TYW1: variants seen among roughly 807,000 people sequenced by gnomAD.
TYW1 encodes the protein tRNA-yW synthesizing protein 1 homolog, also known as S-adenosyl-L-methionine-dependent tRNA 4-demethylwyosine synthase TYW1.
A neutral mutation model predicts 96.2 loss-of-function variants in TYW1; 46 were observed. The ratio of observed to expected loss-of-function variants is 0.48; its 90% CI spans 0.38 to 0.61. TYW1 has a LOEUF of 0.61. Among genes scored for constraint, TYW1 ranks in the 20% least tolerant of loss-of-function variants. The pLI is 0.00. For synonymous variants in TYW1, 274 were observed against 323.0 expected (o/e 0.85, Z 1.63); for missense variants, 684 against 909.6 (o/e 0.75, Z 3.19).
intron 6 of TYW1, among the ~76,000 whole-genome samples, chr7:67,021,300 CA>C (rs1421316049): frequency 6.6e-6 from 1 of 152,294 alleles, no homozygotes; most frequent in African/African-American, 2.4e-5. Flanking sequence ...AGATCCTTTG[CA>C]GTCCGGCCCA....
intron 11 of TYW1, among the ~76,000 whole-genome samples, chr7:67,098,148 A>G (rs12154876): frequency 0.24 from 36,299 of 152,070 alleles, 4,544 homozygotes; most frequent in African/African-American, 0.3. Flanking sequence ...TTACTTTCCC[A>G]GTTCAGGATA....
intron 11 of TYW1, among the ~76,000 whole-genome samples, chr7:67,097,104 A>G (rs1283256508): frequency 2.0e-5 from 3 of 151,896 alleles, no homozygotes; most frequent in Non-Finnish European, 4.4e-5. Context: ...GCTAGTGGCT[A>G]CTAAACTTGT....
At chr7:67,046,572 A>G (rs1309104545) in intron 7 of TYW1, among the ~76,000 whole-genome samples, 2 of 152,220 alleles carry the variant, frequency 1.3e-5, no homozygotes, top group East Asian at 3.8e-4. Flanking sequence ...ATAAATACAC[A>G]AAAATATATG....
chr7:67,128,366 C>A (rs1207171399), intron 13 of TYW1, among the ~76,000 whole-genome samples: 1 of 152,120 alleles, frequency 6.6e-6, no homozygotes, highest in Non-Finnish European at 1.5e-5. Flanking sequence ...TTTTAGAGCT[C>A]CAGCATTTCG....
intron 9 of TYW1, among the ~76,000 whole-genome samples, chr7:67,066,102 G>A (rs1302134986): frequency 2.6e-5 from 4 of 151,888 alleles, no homozygotes. Context: ...TTCGTTGTTG[G>A]TATTATTAAT....
At chr7:67,116,582 G>C (rs542826061) in intron 12 of TYW1, among the ~76,000 whole-genome samples, 110 of 152,078 alleles carry the variant, frequency 7.2e-4, no homozygotes, top group African/African-American at 2.6e-3. Flanking sequence ...CCAGCTACTT[G>C]AGACACTGAG....
At chr7:67,217,066 T>A (rs1801216340) in intron 15 of TYW1, among the ~76,000 whole-genome samples, 1 of 150,026 alleles carries the variant, frequency 6.7e-6, no homozygotes, top group African/African-American at 2.5e-5. Flanking sequence ...CTTTTTTTTC[T>A]GTGCTTATTG....
At chr7:67,072,690 C>G (rs1242020663) in intron 10 of TYW1, among the ~76,000 whole-genome samples, 2 of 152,066 alleles carry the variant, frequency 1.3e-5, no homozygotes, top group Non-Finnish European at 2.9e-5. Flanking sequence ...CAAATCCTAG[C>G]CATCATATTG....
intron 13 of TYW1, among the ~76,000 whole-genome samples, chr7:67,149,730 C>CTATCTATCTATCTATG (rs1798734470): frequency 1.7e-5 from 2 of 115,044 alleles, no homozygotes; most frequent in Admixed American, 8.3e-5. Flanking sequence ...AAATATCTAT[C>CTATCTATCTATCTATG]TATCTATCTA....
chr7:67,032,883 A>ACCTTTTT (rs2129251343), intron 7 of TYW1, among the ~76,000 whole-genome samples: 1 of 86,098 alleles, frequency 1.2e-5, no homozygotes, highest in East Asian at 3.1e-4. Context: ...AGAGAAGTAT[A>ACCTTTTT]CCTTTTTTTT....
chr7:67,179,153 A>G lies in TYW1; in HGVS notation c.1699-3973A>G, dbSNP rs1781227012. ...GGCAACTGTATTTATGCACATATTT[A>G]CATGCAAATTAAGGGGCAGGCCAAT... On this transcript the variant is annotated intron_variant, in intron 13 of 15. Transcript: ENST00000359626. 1.5e-5 allele frequency among the ~76,000 whole-genome samples: 2 copies of G among 136,324 alleles called. 1 individual carries two copies. Among genetic ancestry groups the G allele is most frequent in the African/African-American group, 6.0e-5 (2 of 33,530 alleles). The allele number at this position is 136,324 out of a possible 152,430, so 89.4% of individuals were successfully genotyped here.
chr7:67,084,371 A>G (rs1489229830), intron 11 of TYW1, among the ~76,000 whole-genome samples: 2 of 152,178 alleles, frequency 1.3e-5, no homozygotes, highest in Non-Finnish European at 2.9e-5. Flanking sequence ...ATTCTGTCTC[A>G]TATTAACAAA....
At chr7:67,169,726 T>C (rs1177017870) in intron 13 of TYW1, among the ~76,000 whole-genome samples, 2 of 152,226 alleles carry the variant, frequency 1.3e-5, no homozygotes, top group East Asian at 3.8e-4. Flanking sequence ...TGCTGAATAC[T>C]ATTCTCTTGG....
intron 13 of TYW1, among the ~76,000 whole-genome samples, chr7:67,178,381 A>C (rs1324637617): frequency 6.6e-6 from 1 of 152,254 alleles, no homozygotes; most frequent in Non-Finnish European, 1.5e-5. Context: ...CAACAGCATG[A>C]ATGAATCTTG....
intron 4 of TYW1, among the ~76,000 whole-genome samples, chr7:67,013,991 C>T (rs1387789706): frequency 2.0e-5 from 3 of 152,094 alleles, no homozygotes; most frequent in East Asian, 3.9e-4. Context: ...GATCCGCCCG[C>T]CTCAGCCTCC....
chr7:67,029,379 G>GTGCA (rs1794569481), intron 7 of TYW1, among the ~76,000 whole-genome samples: 1 of 81,416 alleles, frequency 1.2e-5, no homozygotes, highest in Non-Finnish European at 2.5e-5. Flanking sequence ...ATATGTGTGT[G>GTGCA]TGCGTGTGTG....
Position 67,220,201 on chromosome 7 carries a change from AT to A in TYW1, c.1978-18087del, listed in dbSNP as rs57595328. 3.4e-3 allele frequency among the ~76,000 whole-genome samples: 315 copies of A among 93,192 alleles called. 4 individuals are homozygous for A. The highest frequency in any genetic ancestry group is 0.014 in the East Asian group (50 of 3,682). The allele number at this position is 93,192 out of a possible 152,430, so 61.1% of individuals were successfully genotyped here. ...ATTTTTTAGTTTCATTCATTTATTG[AT>A]TTTTTTTTTTTTTTTTTTTGAGATG... On this transcript the variant is annotated intron_variant, in intron 15 of 15. Coordinates refer to ENST00000359626, the MANE Select transcript of TYW1 (RefSeq NM_018264.4).
chr7:67,225,598 C>G (rs1417268517), intron 15 of TYW1, among the ~76,000 whole-genome samples: 4 of 152,178 alleles, frequency 2.6e-5, no homozygotes, highest in African/African-American at 9.7e-5. Flanking sequence ...CCAGTGTTCT[C>G]TTAGCAAAAC....
At chr7:67,059,879 T>G (rs1338349133) in intron 9 of TYW1, among the ~76,000 whole-genome samples, 1 of 151,406 alleles carries the variant, frequency 6.6e-6, no homozygotes, top group African/African-American at 2.4e-5. Flanking sequence ...TTCAAGCAAT[T>G]CTCCTGCCTC....
Sources: allele counts gnomAD v4.1 joint callset (sites outside exome capture counted in the v4.1 genomes callset), GRCh38; gene constraint gnomAD v4.1.1; transcripts MANE v1.5; gene names NCBI Gene and HGNC (gene_info 2026-07-23, HGNC 2026-07-21).